Variants in RIMKLB observed in about 807,000 individuals in gnomAD.
RIMKLB encodes beta-citrylglutamate synthase B.
A neutral mutation model predicts 32.0 loss-of-function variants in RIMKLB; 7 were observed. That is an observed-to-expected ratio of 0.22 (90% CI 0.12 to 0.41). The LOEUF (loss-of-function observed/expected upper bound fraction) is 0.41, where lower values mean the gene tolerates loss of function less well. Ranked by LOEUF, RIMKLB falls within the 10% of genes least tolerant of loss-of-function variation. The probability of loss-of-function intolerance (pLI) is 1.00; values close to 1 mark genes in which losing one functional copy is unlikely to be tolerated. For synonymous variants in RIMKLB, 172 were observed against 185.1 expected (o/e 0.93, Z 0.57); for missense variants, 289 against 498.7 (o/e 0.58, Z 4.00).
chr12:8,753,418 C>T (rs1298115838), intron 4 of RIMKLB, among the ~76,000 whole-genome samples: 1 of 152,086 alleles, frequency 6.6e-6, no homozygotes, highest in African/African-American at 2.4e-5. Context: ...CAGCCACTTC[C>T]GTTGGCACAG....
At chr12:8,707,112 C>G (rs1401385584) in intron 1 of RIMKLB, among the ~76,000 whole-genome samples, 2 of 152,170 alleles carry the variant, frequency 1.3e-5, no homozygotes, top group African/African-American at 4.8e-5. Flanking sequence ...CACAGAAGAT[C>G]CACTGATGGA....
chr12:8,765,452 G>A (rs1949876075), intron 5 of RIMKLB, among the ~76,000 whole-genome samples: 1 of 152,116 alleles, frequency 6.6e-6, no homozygotes, highest in Non-Finnish European at 1.5e-5. Context: ...TGCAGTTATG[G>A]CGGCCCTTCT....
chr12:8,715,825 G>T (rs1229845236), intron 2 of RIMKLB, among the ~76,000 whole-genome samples: 3 of 152,214 alleles, frequency 2.0e-5, no homozygotes, highest in African/African-American at 7.2e-5. Context: ...AGTTATGAAT[G>T]AAAAATGTGA....
chr12:8,724,586 G>C (rs965778045), intron 2 of RIMKLB, among the ~76,000 whole-genome samples: 5 of 152,210 alleles, frequency 3.3e-5, no homozygotes, highest in African/African-American at 1.2e-4. Flanking sequence ...TGTGGTGTCT[G>C]AGTGGTTTGG....
At chr12:8,725,045 TAGTTGTTTAAAC>T (rs750228333) in intron 2 of RIMKLB, among the ~76,000 whole-genome samples, 27 of 152,362 alleles carry the variant, frequency 1.8e-4, no homozygotes, top group African/African-American at 6.3e-4. Context: ...ATTTTTGTGG[TAGTTGTTTAAAC>T]TGTTGTTTCT....
At chr12:8,670,275 C>T in the RIMKLB span, among the ~76,000 whole-genome samples, 1 of 152,088 alleles carries the variant, frequency 6.6e-6, no homozygotes, top group African/African-American at 2.4e-5. Context: ...AGTCCATAGT[C>T]CAAAGTCTCA....
chr12:8,694,387 A>ATTTTTT (rs769859426), upstream of RIMKLB, among the ~76,000 whole-genome samples: 181 of 119,064 alleles, frequency 1.5e-3, 23 homozygotes, highest in African/African-American at 5.4e-3. Context: ...ATCCTGTTGA[A>ATTTTTT]TTTTTTTTCT....
the RIMKLB span, chr12:8,669,061 G>A: frequency 1.3e-5 from 2 of 156,186 alleles, no homozygotes; most frequent in Admixed American, 6.5e-5. Flanking sequence ...CCCAAGCCTG[G>A]GTAAGTTATA....
intron 2 of RIMKLB, among the ~76,000 whole-genome samples, chr12:8,730,124 C>G (rs1464355648): frequency 1.3e-5 from 2 of 152,186 alleles, no homozygotes; most frequent in Non-Finnish European, 2.9e-5. Context: ...CTCACTCTGT[C>G]ACCCAGGCTG....
chr12:8,768,008 G>T (rs751534243), intron 5 of RIMKLB, among the ~76,000 whole-genome samples: 31 of 152,172 alleles, frequency 2.0e-4, no homozygotes, highest in Non-Finnish European at 8.8e-5. Flanking sequence ...GATGGCGGCA[G>T]GGCCACTTCC....
intron 5 of RIMKLB, among the ~76,000 whole-genome samples, chr12:8,759,413 A>G (rs1447382833): frequency 6.6e-6 from 1 of 152,206 alleles, no homozygotes; most frequent in Non-Finnish European, 1.5e-5. Flanking sequence ...CAATCAGATT[A>G]CTTTTTAAAA....
upstream of RIMKLB, among the ~76,000 whole-genome samples, chr12:8,692,374 G>A (rs1591603978): frequency 6.6e-6 from 1 of 152,188 alleles, no homozygotes; most frequent in Admixed American, 6.5e-5. Flanking sequence ...CATTTAGTAT[G>A]CTTATTCCAA....
chr12:8,748,023 T>G (rs945590821), intron 2 of RIMKLB, among the ~76,000 whole-genome samples: 3 of 152,188 alleles, frequency 2.0e-5, no homozygotes, highest in African/African-American at 7.2e-5. Context: ...CCCAAAGTGC[T>G]GGGATTACAG....
upstream of RIMKLB, chr12:8,697,211 T>C (rs1284235100): frequency 6.6e-6 from 1 of 152,204 alleles, no homozygotes; most frequent in African/African-American, 2.4e-5. Flanking sequence ...GAGCTGGCGC[T>C]ATCCACCCCG....
intron 2 of RIMKLB, among the ~76,000 whole-genome samples, chr12:8,743,354 CAAAAAA>C (rs60066068): frequency 4.6e-5 from 3 of 65,188 alleles, no homozygotes; most frequent in African/African-American, 1.1e-4. Context: ...GAGTCTGTCT[CAAAAAA>C]AAAAAAAAAA....
chr12:8,688,737 C>T (rs937472047), intron 1 of RIMKLB, among the ~76,000 whole-genome samples: 1 of 151,976 alleles, frequency 6.6e-6, no homozygotes, highest in Admixed American at 6.6e-5. Flanking sequence ...GGCTGTTGAG[C>T]ATAATGAAAG....
chr12:8,770,783 C>A (rs1224097339), intron 5 of RIMKLB, among the ~76,000 whole-genome samples: 2 of 152,138 alleles, frequency 1.3e-5, no homozygotes, highest in Non-Finnish European at 2.9e-5. Flanking sequence ...CAGGAGTCAC[C>A]AAGAATATCC....
chr12:8,731,952 A>G (rs1396547669), intron 2 of RIMKLB, among the ~76,000 whole-genome samples: 1 of 151,848 alleles, frequency 6.6e-6, no homozygotes, highest in African/African-American at 2.4e-5. Flanking sequence ...TACTTTTTTC[A>G]TGTGCCTTAA....
At chr12:8,726,412 T>C (rs1311197817) in intron 2 of RIMKLB, among the ~76,000 whole-genome samples, 1 of 152,194 alleles carries the variant, frequency 6.6e-6, no homozygotes, top group African/African-American at 2.4e-5. Context: ...TATTGTTGAA[T>C]TCTAAGATCC....
Sources: gnomAD v4.1 joint callset for allele counts (sites outside exome capture counted in the v4.1 genomes callset) on GRCh38, gnomAD v4.1.1 for gene constraint, MANE v1.5 for transcripts, NCBI Gene and HGNC (gene_info 2026-07-23, HGNC 2026-07-21) for gene names.